MAGI3: variants seen among roughly 807,000 people sequenced by gnomAD.
MAGI3 encodes the protein membrane associated guanylate kinase, WW and PDZ domain containing 3.
In MAGI3, 43 loss-of-function variants were observed where a neutral mutation model predicts 121.8. The ratio of observed to expected loss-of-function variants is 0.35; its 90% confidence interval spans 0.28 to 0.46. MAGI3 has a LOEUF of 0.46. Among genes scored for constraint, MAGI3 ranks in the 20% least tolerant of loss-of-function variants. The probability of loss-of-function intolerance (pLI) is 1.00; values close to 1 mark genes in which losing one functional copy is unlikely to be tolerated. For synonymous variants in MAGI3, 553 were observed against 639.3 expected (o/e 0.86, Z 2.04); for missense variants, 1,547 against 1,797.3 (o/e 0.86, Z 2.52).
chr1:113,532,397 A>T (rs1266705766), intron 1 of MAGI3, among the ~76,000 whole-genome samples: 2 of 151,940 alleles, frequency 1.3e-5, no homozygotes, highest in African/African-American at 4.8e-5. Flanking sequence ...TGTTACCTGC[A>T]TGTTTGTATT....
chr1:113,489,068 AC>A (rs1656544726), intron 1 of MAGI3, among the ~76,000 whole-genome samples: 1 of 152,210 alleles, frequency 6.6e-6, no homozygotes, highest in African/African-American at 2.4e-5. Context: ...TGCTGCTGGC[AC>A]ATGCAAATGA....
chr1:113,662,011 A>G (rs1378147806), intron 16 of MAGI3, among the ~76,000 whole-genome samples: 4 of 152,232 alleles, frequency 2.6e-5, no homozygotes, highest in Non-Finnish European at 5.9e-5. Flanking sequence ...TATAAAATCT[A>G]TCAACTGCAT....
chr1:113,675,065 T>C (rs1481993193), intron 19 of MAGI3, among the ~76,000 whole-genome samples: 1 of 152,144 alleles, frequency 6.6e-6, no homozygotes, highest in Non-Finnish European at 1.5e-5. Flanking sequence ...GAAATGAGAA[T>C]ATAAAAGCCG....
chr1:113,398,823 C>T (rs1014590172), intron 1 of MAGI3, among the ~76,000 whole-genome samples: 1 of 151,438 alleles, frequency 6.6e-6, no homozygotes, highest in African/African-American at 2.4e-5. Context: ...TGGAGTAGTT[C>T]CAGAGATATA....
intron 1 of MAGI3, among the ~76,000 whole-genome samples, chr1:113,492,302 T>C (rs1393680436): frequency 6.6e-6 from 1 of 152,166 alleles, no homozygotes; most frequent in Non-Finnish European, 1.5e-5. Flanking sequence ...CAAAAGGCTC[T>C]CAATAAAATT....
At chr1:113,485,469 A>G (rs183808827) in intron 1 of MAGI3, among the ~76,000 whole-genome samples, 1 of 152,120 alleles carries the variant, frequency 6.6e-6, no homozygotes, top group Admixed American at 6.5e-5. Flanking sequence ...TCTGAGAGTT[A>G]TCTATTCATG....
chr1:113,416,213 T>A (rs1371266189), intron 1 of MAGI3, among the ~76,000 whole-genome samples: 9 of 81,136 alleles, frequency 1.1e-4, no homozygotes, highest in South Asian at 3.8e-4. Context: ...ACACATATTA[T>A]TATGTGTAAT....
Position 113,646,534 on chromosome 1 carries a change from C to G in MAGI3, c.2047C>G (p.Pro683Ala), listed in dbSNP as rs1273749885. 1 of 1,612,798 alleles carries G rather than the reference C, an allele frequency of 6.2e-7. No homozygotes were observed. Among genetic ancestry groups the G allele is most frequent in the African/African-American group, 1.3e-5 (1 of 74,864 alleles). Residue 683 changes from proline to alanine, a missense_variant, in exon 12 of 21, where the codon CCT becomes GCT. Coordinates refer to ENST00000307546, the MANE Select transcript of MAGI3 (RefSeq NM_001142782.2). ...NAGSLEAINE[P>A]IPQPMPFPPS... ...AGGAAGTTTGGAGGCCATAAATGAG[C>G]CTATTCCTCAGCCTATGCCTTTTCC...
At chr1:113,542,604 A>G (rs1449191732) in intron 1 of MAGI3, among the ~76,000 whole-genome samples, 1 of 152,236 alleles carries the variant, frequency 6.6e-6, no homozygotes, top group Non-Finnish European at 1.5e-5. Context: ...CACTGCGTTT[A>G]GCCCTAAGTA....
chr1:113,675,960 A>G (rs542916460), intron 19 of MAGI3, among the ~76,000 whole-genome samples: 1 of 152,044 alleles, frequency 6.6e-6, no homozygotes, highest in Non-Finnish European at 1.5e-5. Context: ...GCATCTTGAG[A>G]CACTGTTTAC....
chr1:113,575,396 T>C (rs1178459100), intron 2 of MAGI3, among the ~76,000 whole-genome samples: 1 of 152,244 alleles, frequency 6.6e-6, no homozygotes, highest in Non-Finnish European at 1.5e-5. Flanking sequence ...TTTTGGTTAA[T>C]GTTCATGTTA....
chr1:113,560,757 TA>T (rs1660201004), intron 2 of MAGI3, among the ~76,000 whole-genome samples: 1 of 151,146 alleles, frequency 6.6e-6, no homozygotes, highest in Admixed American at 6.6e-5. Context: ...AGACAAGAAA[TA>T]ACCAAGATCA....
At chr1:113,439,272 T>G (rs1353819970) in intron 1 of MAGI3, among the ~76,000 whole-genome samples, 1 of 152,214 alleles carries the variant, frequency 6.6e-6, no homozygotes, top group Non-Finnish European at 1.5e-5. Context: ...AATTTTCCAT[T>G]TAATATTTTT....
intron 1 of MAGI3, among the ~76,000 whole-genome samples, chr1:113,482,666 T>TTG (rs1656167806): frequency 2.1e-5 from 3 of 142,696 alleles, no homozygotes; most frequent in Admixed American, 7.3e-5. Flanking sequence ...TTTTTTTTTT[T>TTG]TAACCACTGG....
At chr1:113,409,719 T>TG (rs1314528275) in intron 1 of MAGI3, among the ~76,000 whole-genome samples, 1 of 152,178 alleles carries the variant, frequency 6.6e-6, no homozygotes, top group Non-Finnish European at 1.5e-5. Context: ...GTCTCCTGAC[T>TG]GTCTAGTCTC....
intron 1 of MAGI3, among the ~76,000 whole-genome samples, chr1:113,395,087 G>GTTTTTTTTTTTTTTTTTTTT (rs139532433): frequency 1.2e-4 from 4 of 33,246 alleles, no homozygotes; most frequent in African/African-American, 1.6e-4. Context: ...CTTTTTGTTA[G>GTTTTTTTTTTTTTTTTTTTT]TTTTTTTTTT....
At chr1:113,673,551 C>G in intron 19 of MAGI3, 86 bp downstream of exon 19, 1 of 1,364,704 alleles carries the variant, frequency 7.3e-7, no homozygotes, top group Non-Finnish European at 1.0e-6. Context: ...AAAGGGAATG[C>G]AGGAACCTCC....
At chr1:113,644,802 T>A (rs369987727) in intron 11 of MAGI3, among the ~76,000 whole-genome samples, 49 of 152,312 alleles carry the variant, frequency 3.2e-4, no homozygotes, top group African/African-American at 1.1e-3. Flanking sequence ...TATTTAAATA[T>A]CCACAATGTT....
intron 6 of MAGI3, 29 bp downstream of exon 6, chr1:113,594,589 A>G (rs1309752091): frequency 6.4e-7 from 1 of 1,558,776 alleles, no homozygotes; most frequent in African/African-American, 1.4e-5. Context: ...ACTCTATCAT[A>G]CTTATTCTCT....
Sources: allele counts gnomAD v4.1 joint callset (sites outside exome capture counted in the v4.1 genomes callset), GRCh38; gene constraint gnomAD v4.1.1; transcripts MANE v1.5; gene names NCBI Gene and HGNC (gene_info 2026-07-23, HGNC 2026-07-21).